ZNF841: variants seen among roughly 807,000 people sequenced by gnomAD.
ZNF841 encodes the protein TCONS_00006091.
In ZNF841, 11 loss-of-function variants were observed where a neutral mutation model predicts 13.0. The ratio of observed to expected loss-of-function variants is 0.85; its 90% CI spans 0.53 to 1.40. The LOEUF is 1.40. Among genes scored for constraint, ZNF841 ranks in the 40% most tolerant of loss-of-function variants. The pLI, the probability that ZNF841 is intolerant of heterozygous loss-of-function variation, is 0.00. For synonymous variants in ZNF841, 369 were observed against 381.6 expected, an observed-to-expected ratio of 0.97 and a Z score of 0.38; for missense variants, 1,068 against 1,139.5, an observed-to-expected ratio of 0.94 and a Z score of 0.90.
chr19:52,071,353 G>A (rs186017486), intron 6 of ZNF841, among the ~76,000 whole-genome samples: 4 of 152,186 alleles, frequency 2.6e-5, no homozygotes, highest in Admixed American at 6.5e-5. Context: ...AAATGGCCAC[G>A]AAGAGGAGAT....
intron 4 of ZNF841, among the ~76,000 whole-genome samples, chr19:52,078,885 T>C (rs1481717064): frequency 6.6e-6 from 1 of 152,172 alleles, no homozygotes. Flanking sequence ...AATGATGATG[T>C]TGTAAATAAA....
intron 6 of ZNF841, among the ~76,000 whole-genome samples, chr19:52,068,328 G>A (rs2087644513): frequency 6.6e-6 from 1 of 151,938 alleles, no homozygotes. Flanking sequence ...TGTCAGAACT[G>A]GTTAGTACTT....
Position 52,095,631 on chromosome 19 carries a change from G to A in ZNF841, c.-326C>T, listed in dbSNP as rs2088644690. ...AGGTCCGTAGCGATCCCCAGGTCAC[G>A]GGTATGGAGAACCGAGGACTGCGAA... On this transcript the variant is annotated 5_prime_UTR_variant, in exon 1 of 7. Coordinates refer to ENST00000594440, the MANE Select transcript of ZNF841 (RefSeq NM_001136499.2). The A allele has an allele frequency of 6.6e-6, 1 of 152,302 alleles. No homozygotes were observed. The highest frequency in any genetic ancestry group is 2.4e-5 in the African/African-American group (1 of 41,456). 9.4% of individuals were successfully genotyped at this position (152,302 alleles called of 1,614,324 possible).
intron 3 of ZNF841, among the ~76,000 whole-genome samples, chr19:52,087,830 A>T (rs989805548): frequency 6.6e-6 from 1 of 152,018 alleles, no homozygotes. Flanking sequence ...TACTAAAAAT[A>T]CAAAAATTAG....
chr19:52,079,820 C>T (rs1343167117), intron 4 of ZNF841, among the ~76,000 whole-genome samples: 1 of 151,956 alleles, frequency 6.6e-6, no homozygotes, highest in Non-Finnish European at 1.5e-5. Context: ...GGAGAAATCC[C>T]GTCTCTACTA....
At chr19:52,077,131 T>C in intron 4 of ZNF841, 47 bp from the exon 5 acceptor site, 2 of 1,549,238 alleles carry the variant, frequency 1.3e-6, no homozygotes, top group Non-Finnish European at 1.7e-6. Context: ...TGAGCTCTTA[T>C]CTTTACATAA....
At chr19:52,076,255 GT>G in intron 5 of ZNF841, 83 bp from the exon 6 acceptor site, 1 of 1,467,406 alleles carries the variant, frequency 6.8e-7, no homozygotes, top group South Asian at 1.3e-5. Context: ...AAACACTGCA[GT>G]TGAATCTACA....
chr19:52,062,097 T>C (rs1330626883), downstream of ZNF841, among the ~76,000 whole-genome samples: 1 of 152,052 alleles, frequency 6.6e-6, no homozygotes, highest in East Asian at 1.9e-4. Flanking sequence ...TATACAGCAA[T>C]GTAAGGAAAA....
chr19:52,073,392 G>A (rs8101557), intron 6 of ZNF841, among the ~76,000 whole-genome samples: 23,735 of 151,530 alleles, frequency 0.16, 2,143 homozygotes, highest in South Asian at 0.3. Context: ...TCTGCCTACT[G>A]GCTTCAAGCA....
At chr19:52,090,411 T>C (rs986463365) in intron 2 of ZNF841, among the ~76,000 whole-genome samples, 1 of 151,670 alleles carries the variant, frequency 6.6e-6, no homozygotes, top group African/African-American at 2.4e-5. Context: ...GAAAAGAAAT[T>C]AGCCAGGTAT....
intron 3 of ZNF841, among the ~76,000 whole-genome samples, chr19:52,085,404 T>C (rs2088238593): frequency 1.3e-5 from 2 of 152,112 alleles, no homozygotes; most frequent in South Asian, 4.1e-4. Flanking sequence ...GAACACATCT[T>C]AAAGGGGGCA....
At chr19:52,095,200 A>G (rs2088628325) in intron 1 of ZNF841, among the ~76,000 whole-genome samples, 1 of 152,188 alleles carries the variant, frequency 6.6e-6, no homozygotes, top group Admixed American at 6.5e-5. Context: ...CAAGAAAAGC[A>G]GTGGCTGTGA....
At chr19:52,095,197 A>T (rs1471375619) in intron 1 of ZNF841, among the ~76,000 whole-genome samples, 1 of 152,200 alleles carries the variant, frequency 6.6e-6, no homozygotes, top group African/African-American at 2.4e-5. Context: ...AGTCAAGAAA[A>T]GCAGTGGCTG....
chr19:52,080,218 T>C, intron 4 of ZNF841, among the ~76,000 whole-genome samples: 1 of 152,156 alleles, frequency 6.6e-6, no homozygotes, highest in Non-Finnish European at 1.5e-5. Context: ...AAAACTACAC[T>C]GAGTGATGTC....
At chr19:52,078,516 G>A (rs919472637) in intron 4 of ZNF841, among the ~76,000 whole-genome samples, 6 of 151,928 alleles carry the variant, frequency 3.9e-5, no homozygotes, top group Non-Finnish European at 5.9e-5. Context: ...TGGCTAACAC[G>A]GTGAAACCCT....
downstream of ZNF841, among the ~76,000 whole-genome samples, chr19:52,063,199 C>T (rs551862262): frequency 2.0e-5 from 3 of 151,952 alleles, no homozygotes; most frequent in South Asian, 2.1e-4. Flanking sequence ...AATTTTACCA[C>T]GTTAATTACA....
Position 52,066,941 on chromosome 19 carries a change from C to G in ZNF841, c.941G>C (p.Gly314Ala). The change falls in exon 7 of 7, where the codon GGG becomes GCG. Residue 314 changes from glycine (G) to alanine (A), a missense_variant. Gly to Ala is a moderately conservative substitution (Grantham distance 60). Coordinates refer to ENST00000594440, the MANE Select transcript of ZNF841 (RefSeq NM_001136499.2). The part of the protein sequence containing the change: ...LTVHQIVHTR[G>A]KPYQCDVCGR... ...ACATACATCACATTGGTATGGTTTC[C>G]CTCTTGTATGGACTATCTGATGTAC... 1 of 1,614,038 alleles carries G rather than the reference C, an allele frequency of 6.2e-7. No individual in the cohort carries two copies. The highest frequency in any genetic ancestry group is 1.1e-5 in the South Asian group (1 of 91,070).
chr19:52,073,767 G>C (rs918117655), intron 6 of ZNF841, among the ~76,000 whole-genome samples: 1 of 152,124 alleles, frequency 6.6e-6, no homozygotes, highest in African/African-American at 2.4e-5. Context: ...ATAACATGAT[G>C]GACATGAATG....
chr19:52,078,936 G>A (rs913438093), intron 4 of ZNF841, among the ~76,000 whole-genome samples: 3 of 151,964 alleles, frequency 2.0e-5, no homozygotes, highest in Admixed American at 1.3e-4. Context: ...GAAATAAGAC[G>A]CTATCTCTCA....
Sources: gnomAD v4.1 joint callset for allele counts (sites outside exome capture counted in the v4.1 genomes callset) on GRCh38, gnomAD v4.1.1 for gene constraint, MANE v1.5 for transcripts, NCBI Gene and HGNC (gene_info 2026-07-23, HGNC 2026-07-21) for gene names.